NCOA1: variants seen among roughly 807,000 people sequenced by gnomAD.
NCOA1 encodes the protein nuclear receptor coactivator 1, also known as Hin-2 protein.
In NCOA1, 35 loss-of-function variants were observed where a neutral mutation model predicts 150.9. That is an observed-to-expected ratio of 0.23 (90% CI 0.18 to 0.31). The LOEUF (loss-of-function observed/expected upper bound fraction) is 0.31. Ranked by LOEUF, NCOA1 falls within the 10% of genes least tolerant of loss-of-function variation. NCOA1 has a pLI of 1.00. For synonymous variants in NCOA1, 590 were observed against 630.0 expected (o/e 0.94, Z 0.95); for missense variants, 1,491 against 1,749.3 (o/e 0.85, Z 2.63).
rs1213862749 is a variant in NCOA1 at position 24,742,303 on chromosome 2, C to A, written c.3706+117C>A. The A allele has an allele frequency of 2.4e-6, 3 of 1,237,842 alleles. No individual in the cohort carries two copies. The African/African-American group carries it at 4.5e-5, about 19-fold the overall frequency. The allele number at this position is 1,237,842 out of a possible 1,614,324, so 76.7% of individuals were successfully genotyped here. On this transcript the variant is annotated intron_variant, in intron 19 of 22. Coordinates refer to ENST00000348332, the MANE Select transcript of NCOA1 (RefSeq NM_003743.5). ...GTGTGTGGAAGAGGAAAGACACTGA[C>A]GTGGGAGTCTGGAGACCCAGGATTC...
intron 1 of NCOA1, among the ~76,000 whole-genome samples, chr2:24,539,133 T>C (rs548142502): frequency 1.4e-3 from 201 of 148,058 alleles, no homozygotes; most frequent in African/African-American, 2.7e-3. Context: ...GTGAGTTTTT[T>C]CCCCCCCATT....
In NCOA1 at chr2:24,576,158, T is replaced by TG. The variant is rs1558806473; in HGVS notation, c.-259-8318_-259-8317insG. On this transcript the variant is annotated intron_variant, in intron 2 of 22. Transcript: ENST00000348332. ...AAATTATTTGGCCTTTGTTTTTTTT[T>TG]TTTTGTTTTTTGTTTTTTTTTTTTT... Among the ~76,000 whole-genome samples the TG allele has an allele frequency of 6.4e-3, 606 of 94,944 alleles. 24 individuals are homozygous for TG. The highest frequency in any genetic ancestry group is 8.8e-3 in the Non-Finnish European group (412 of 46,684). The allele number at this position is 94,944 out of a possible 152,430, so 62.3% of individuals were successfully genotyped here. A position where few individuals can be genotyped will look rare whatever the true frequency, so the allele number is the denominator to read the frequency against.
chr2:24,549,784 A>G lies in NCOA1; in HGVS notation c.-395-14511A>G, dbSNP rs540037558. ...ACAGGGTTTCACCGTGTTAACCAGG[A>G]TGGTCTCGATCTCCTGACCTTGTGA... On this transcript the variant is annotated intron_variant, in intron 1 of 22. Transcript: ENST00000348332. 7.2e-5 allele frequency among the ~76,000 whole-genome samples: 11 copies of G among 152,192 alleles called. No homozygotes were observed. In the East Asian group the frequency reaches 1.7e-3, roughly 24 times the overall value.
chr2:24,768,335 C>T lies in NCOA1; in HGVS notation c.4270C>T (p.Pro1424Ser), dbSNP rs1378097195. The change falls in exon 23 of 23, where the codon CCA becomes TCA. Residue 1424 changes from proline (P) to serine (S), a missense_variant. By Grantham distance (74) the Pro-to-Ser change is moderately conservative. Around this residue, in one of 8 missense-constraint regions of NCOA1, gnomAD observed 46 missense variants for 78.8 expected, o/e 0.58. Coordinates refer to ENST00000348332, the MANE Select transcript of NCOA1 (RefSeq NM_003743.5). The part of the protein sequence containing the change: ...PLGTQKPTSG[P>S]QTPQAQQKSL... ...GGGAACTCAAAAGCCCACGTCAGGACCACAGACCCCCCAGGCCCAGCAGAA... is the reference window on the plus strand; with the variant it reads ...GGGAACTCAAAAGCCCACGTCAGGATCACAGACCCCCCAGGCCCAGCAGAA... 1 of 1,613,746 alleles carries T rather than the reference C, an allele frequency of 6.2e-7. No individual in the cohort carries two copies. Among genetic ancestry groups the T allele is most frequent in the East Asian group, 2.2e-5 (1 of 44,882 alleles).
intron 17 of NCOA1, among the ~76,000 whole-genome samples, 168 bp downstream of exon 17, chr2:24,729,983 T>C (rs1662909836): frequency 6.6e-6 from 1 of 152,146 alleles, no homozygotes; most frequent in Non-Finnish European, 1.5e-5. Flanking sequence ...GTAGCTGGGA[T>C]TACAGGTGTG....
intron 9 of NCOA1, among the ~76,000 whole-genome samples, chr2:24,692,478 A>G (rs994406649): frequency 6.6e-6 from 1 of 152,252 alleles, no homozygotes; most frequent in African/African-American, 2.4e-5. Context: ...ACATGAAGTC[A>G]TCTGTCAAGA....
chr2:24,580,376 AGATCTTTTGTTAGAGCTT>A (rs1414637170), intron 2 of NCOA1, among the ~76,000 whole-genome samples: 1 of 152,148 alleles, frequency 6.6e-6, no homozygotes, highest in Non-Finnish European at 1.5e-5. Flanking sequence ...GGCAGAAGGT[AGATCTTTTGTTAGAGCTT>A]GATCTTTTGT....
At chr2:24,684,975 G>A (rs1672336632) in intron 8 of NCOA1, among the ~76,000 whole-genome samples, 1 of 151,806 alleles carries the variant, frequency 6.6e-6, no homozygotes, top group African/African-American at 2.4e-5. Flanking sequence ...AGAAAATTAA[G>A]GAAAGAGACC....
chr2:24,555,118 TC>T (rs1666021187), intron 1 of NCOA1, among the ~76,000 whole-genome samples: 1 of 152,128 alleles, frequency 6.6e-6, no homozygotes, highest in Middle Eastern at 3.2e-3. Context: ...AGAGGGGACT[TC>T]CGAGAGGAAA....
rs748268469 is a variant in NCOA1 at position 24,707,766 on chromosome 2, C to G, written c.2296C>G (p.Leu766Val). Residue 766 changes from leucine (L) to valine (V), a missense_variant, in exon 13 of 23, where the codon CTG becomes GTG. Coordinates refer to ENST00000348332, the MANE Select transcript of NCOA1 (RefSeq NM_003743.5). Reference protein sequence around the residue: ...DEKDLRSTPNLSLDDVKVKVE... With the variant: ...DEKDLRSTPNVSLDDVKVKVE... ...GAAAGATTTAAGATCAACTCCAAAC[C>G]TGAGCCTGGATGATGTAAAGGTGAA... The G allele has an allele frequency of 5.6e-6, 9 of 1,614,062 alleles. No individual in the cohort carries two copies. The Admixed American group carries it at 1.5e-4, about 27-fold the overall frequency.
intron 1 of NCOA1, among the ~76,000 whole-genome samples, chr2:24,542,484 A>C (rs1665438004): frequency 6.6e-6 from 1 of 152,240 alleles, no homozygotes; most frequent in Non-Finnish European, 1.5e-5. Context: ...ACTGGCATAA[A>C]TTATACACTT....
In NCOA1 at chr2:24,658,745, C is replaced by T; in HGVS notation, c.68C>T (p.Pro23Leu). Residue 23 changes from proline to leucine, a missense_variant, in exon 5 of 23, where the codon CCA becomes CTA. Pro to Leu is a moderately conservative substitution (Grantham distance 98, BLOSUM62 -3). Around this residue, in one of 8 missense-constraint regions of NCOA1, gnomAD observed 40 missense variants for 39.6 expected, o/e 1.01. Transcript: ENST00000348332. ...GACTCACATAAGAGGAAAGGATCGCCATGTGACACACTGGCATCAAGGTAG... is the reference window on the plus strand; with the variant it reads ...GACTCACATAAGAGGAAAGGATCGCTATGTGACACACTGGCATCAAGGTAG... Reference protein sequence around the residue: ...NPDSHKRKGSPCDTLASSTEK... With the variant: ...NPDSHKRKGSLCDTLASSTEK... 1 of 1,614,052 alleles carries T rather than the reference C, an allele frequency of 6.2e-7. No individual in the cohort carries two copies.
At chr2:24,527,091 C>T (rs1238468962) in intron 1 of NCOA1, among the ~76,000 whole-genome samples, 8 of 152,086 alleles carry the variant, frequency 5.3e-5, no homozygotes, top group Non-Finnish European at 1.0e-4. Flanking sequence ...TGAGGAATGA[C>T]TATATAGTAA....
At chr2:24,736,684 C>T (rs78764741) in intron 17 of NCOA1, among the ~76,000 whole-genome samples, 2,685 of 152,252 alleles carry the variant, frequency 0.018, 29 homozygotes, top group South Asian at 0.034. Flanking sequence ...GGTTTCTCAA[C>T]CTTGGCATTT....
Position 24,560,230 on chromosome 2 carries a change from A to AT in NCOA1, c.-395-4059dup, listed in dbSNP as rs954140430. Among the ~76,000 whole-genome samples, 6 of 151,976 alleles carry AT rather than the reference A, an allele frequency of 3.9e-5. No individual in the cohort carries two copies. The Middle Eastern group carries it at 0.017, about 431-fold the overall frequency. On this transcript the variant is annotated intron_variant, in intron 1 of 22. Transcript: ENST00000348332. ...TAAGAATTTGTTAAAATTTTAGCTG[A>AT]TTTTTTCTTATACTGTTGTATAGTG...
intron 5 of NCOA1, chr2:24,659,221 T>A (rs1268750300): frequency 1.2e-5 from 2 of 164,340 alleles, no homozygotes; most frequent in African/African-American, 4.8e-5. Flanking sequence ...CCTTAGTTCC[T>A]AAAACAGTGT....
chr2:24,731,708 T>C (rs1433300785), intron 17 of NCOA1, among the ~76,000 whole-genome samples: 1 of 152,242 alleles, frequency 6.6e-6, no homozygotes, highest in Non-Finnish European at 1.5e-5. Flanking sequence ...ATAAATGTTC[T>C]GAGATATTAA....
chr2:24,649,219 G>C (rs1415774831), intron 4 of NCOA1, among the ~76,000 whole-genome samples: 1 of 152,044 alleles, frequency 6.6e-6, no homozygotes, highest in Non-Finnish European at 1.5e-5. Context: ...ACATGTTACT[G>C]CACCCAGCAA....
At chr2:24,519,976 T>TA (rs775128851) in intron 1 of NCOA1, among the ~76,000 whole-genome samples, 19 of 152,186 alleles carry the variant, frequency 1.2e-4, no homozygotes, top group Non-Finnish European at 2.5e-4. Context: ...GAGAGTTTAC[T>TA]AACAGATACA....
Sources: allele counts gnomAD v4.1 joint callset (sites outside exome capture counted in the v4.1 genomes callset), GRCh38; gene constraint gnomAD v4.1.1; regional missense constraint gnomAD v4.1.1; transcripts MANE v1.5; gene names NCBI Gene and HGNC (gene_info 2026-07-23, HGNC 2026-07-21).